Variants in CNOT10 observed in about 807,000 individuals in gnomAD.
CNOT10 encodes the protein CCR4-NOT transcription complex subunit 10, also known as CCR4-NOT transcription complex, subunit 10.
In CNOT10, 30 loss-of-function variants were observed where a neutral mutation model predicts 94.6. The ratio of observed to expected loss-of-function variants is 0.32; its 90% CI spans 0.24 to 0.43. CNOT10 has a LOEUF of 0.43. Among genes scored for constraint, CNOT10 ranks in the 20% least tolerant of loss-of-function variants. The probability of loss-of-function intolerance (pLI) is 1.00; values close to 1 mark genes in which losing one functional copy is unlikely to be tolerated. For synonymous variants in CNOT10, 289 were observed against 301.6 expected, an observed-to-expected ratio of 0.96 and a Z score of 0.43; for missense variants, 759 against 877.2, an observed-to-expected ratio of 0.87 and a Z score of 1.70.
chr3:32,742,038 C>T (rs886118104), intron 13 of CNOT10, among the ~76,000 whole-genome samples: 4 of 151,526 alleles, frequency 2.6e-5, no homozygotes, highest in Admixed American at 6.6e-5. Context: ...TCACTGCAAC[C>T]TCCGCCTCCT....
intron 1 of CNOT10, among the ~76,000 whole-genome samples, chr3:32,700,519 C>T (rs866554412): frequency 1.3e-5 from 2 of 152,238 alleles, no homozygotes; most frequent in African/African-American, 4.8e-5. Context: ...ATGATAGAAT[C>T]TGCACTATTG....
At chr3:32,691,577 T>C (rs936301990) in intron 1 of CNOT10, among the ~76,000 whole-genome samples, 4 of 152,146 alleles carry the variant, frequency 2.6e-5, no homozygotes, top group Non-Finnish European at 4.4e-5. Context: ...AAAGTGCCGA[T>C]GTGAGCCAAC....
chr3:32,700,047 C>T (rs938293396), intron 1 of CNOT10, among the ~76,000 whole-genome samples: 3 of 148,910 alleles, frequency 2.0e-5, no homozygotes, highest in Non-Finnish European at 3.0e-5. Context: ...ATGATCTCGG[C>T]TCACTGCAAC....
At chr3:32,698,291 A>G (rs1177815365) in intron 1 of CNOT10, among the ~76,000 whole-genome samples, 1 of 152,228 alleles carries the variant, frequency 6.6e-6, no homozygotes, top group African/African-American at 2.4e-5. Context: ...AATTATCACA[A>G]GTAACACTTT....
chr3:32,740,734 C>T (rs1000803829), intron 13 of CNOT10, among the ~76,000 whole-genome samples: 4 of 151,472 alleles, frequency 2.6e-5, no homozygotes, highest in East Asian at 2.0e-4. Context: ...TGGTGGCGGG[C>T]GCCTGTAGTC....
Position 32,725,590 on chromosome 3 carries a change from A to G in CNOT10, c.1003A>G (p.Thr335Ala). 6.2e-7 allele frequency: 1 copy of G among 1,612,104 alleles called. No individual in the cohort carries two copies. The highest frequency in any genetic ancestry group is 8.5e-7 in the Non-Finnish European group (1 of 1,179,272). The change falls in exon 9 of 19, where the codon ACT becomes GCT. Residue 335 changes from threonine to alanine, a missense_variant. Around this residue, in one of 3 missense-constraint regions of CNOT10, gnomAD observed 682 missense variants for 799.4 expected, o/e 0.85. Coordinates refer to ENST00000328834, the MANE Select transcript of CNOT10 (RefSeq NM_015442.3). Reference protein sequence around the residue: ...NVCAQLSAGSTDPGKKFSGRP... With the variant: ...NVCAQLSAGSADPGKKFSGRP... ...CTGTGCACAGCTCAGTGCAGGTAGC[A>G]CTGATCCAGGTAAGCCCAGTACTGG...
chr3:32,734,740 A>G (rs55889827), intron 11 of CNOT10, 60 bp from the exon 12 acceptor site: 201,435 of 1,348,030 alleles, frequency 0.15, 16,012 homozygotes, highest in South Asian at 0.19. Flanking sequence ...TCCTCATAAT[A>G]AAAGAGCCTT....
chr3:32,692,103 A>G (rs1696876939), intron 1 of CNOT10, among the ~76,000 whole-genome samples: 2 of 151,542 alleles, frequency 1.3e-5, no homozygotes, highest in African/African-American at 4.9e-5. Flanking sequence ...GTTCATACCT[A>G]TAAATCCTAG....
At chr3:32,753,229 A>T in intron 13 of CNOT10, 2 of 737,182 alleles carry the variant, frequency 2.7e-6, no homozygotes, top group Non-Finnish European at 5.0e-6. Flanking sequence ...GACAAAAATT[A>T]GATAGTGCAG....
Position 32,713,276 on chromosome 3 carries a change from A to G in CNOT10, c.480A>G (p.Ile160Met), listed in dbSNP as rs377611501. The G allele has an allele frequency of 1.6e-5, 26 of 1,597,960 alleles. No homozygotes were observed. The highest frequency in any genetic ancestry group is 1.2e-5 in the Non-Finnish European group (14 of 1,176,072). The change falls in exon 5 of 19, where the codon ATA becomes ATG. Residue 160 changes from isoleucine (I) to methionine (M), a missense_variant. Around this residue, in one of 3 missense-constraint regions of CNOT10, gnomAD observed 682 missense variants for 799.4 expected, o/e 0.85. Coordinates refer to ENST00000328834, the MANE Select transcript of CNOT10 (RefSeq NM_015442.3). ...AVCFLLVDLY[I>M]LTYQAEKALH... The stretch of plus-strand genomic sequence containing the variant: ...GTTTTTTGCTTGTAGACCTGTATAT[A>G]TTAACCTACCAAGCTGAGAAAGCTT...
In CNOT10 at chr3:32,713,234, A is replaced by C; in HGVS notation, c.438A>C (p.Lys146Asn). 6.4e-7 allele frequency: 1 copy of C among 1,567,176 alleles called. No individual in the cohort carries two copies. Residue 146 changes from lysine (K) to asparagine (N), a missense_variant, in exon 5 of 19, where the codon AAA becomes AAC. This residue lies in a region of CNOT10 where 682 missense variants were observed against 799.4 expected (regional missense o/e 0.85). Transcript: ENST00000328834. ...LYQFIEPFEE[K>N]FAQAVCFLLV... ...GTGTTTTTTTTCTCCCAGAAGAAAAATTTGCCCAAGCAGTGTGTTTTTTGC... is the reference window on the plus strand; with the variant it reads ...GTGTTTTTTTTCTCCCAGAAGAAAACTTTGCCCAAGCAGTGTGTTTTTTGC...
At chr3:32,686,670 TAGAC>T (rs1268800582) in intron 1 of CNOT10, among the ~76,000 whole-genome samples, 5 of 152,170 alleles carry the variant, frequency 3.3e-5, no homozygotes, top group Non-Finnish European at 7.3e-5. Context: ...GAGAGACTAT[TAGAC>T]AGGAAAACGG....
intron 17 of CNOT10, 195 bp from the exon 18 acceptor site, chr3:32,769,692 A>G: frequency 1.8e-6 from 1 of 541,952 alleles, no homozygotes; most frequent in Non-Finnish European, 3.4e-6. Context: ...CCAGAGTATT[A>G]CATGTCTAGC....
intron 13 of CNOT10, among the ~76,000 whole-genome samples, chr3:32,749,903 AAGGAAAGG>A (rs1257518771): frequency 6.6e-6 from 1 of 152,094 alleles, no homozygotes; most frequent in African/African-American, 2.4e-5. Context: ...TGAAGGAAGG[AAGGAAAGG>A]AGGGAAGGAG....
At chr3:32,697,108 G>A (rs954679368) in intron 1 of CNOT10, among the ~76,000 whole-genome samples, 7 of 151,902 alleles carry the variant, frequency 4.6e-5, no homozygotes, top group Admixed American at 1.3e-4. Flanking sequence ...ATGCCACCAC[G>A]CCCAGCTAAT....
At chr3:32,723,924 T>A (rs78488320) in intron 8 of CNOT10, among the ~76,000 whole-genome samples, 9,000 of 151,650 alleles carry the variant, frequency 0.059, 305 homozygotes, top group Middle Eastern at 0.088. Context: ...GCAAAAAAAT[T>A]AAAAAATTAG....
At chr3:32,704,775 A>G (rs775387474) in intron 2 of CNOT10, 36 bp from the exon 3 acceptor site, 1 of 1,527,716 alleles carries the variant, frequency 6.5e-7, no homozygotes, top group Non-Finnish European at 8.8e-7. Flanking sequence ...GCTGGTATGT[A>G]ATTTTGTGTG....
chr3:32,689,276 C>T (rs954923921), intron 1 of CNOT10, among the ~76,000 whole-genome samples: 1 of 151,678 alleles, frequency 6.6e-6, no homozygotes, highest in Non-Finnish European at 1.5e-5. Context: ...TCACTTGAAC[C>T]CAGGTGGCAG....
chr3:32,714,896 G>A (rs1005816007), intron 5 of CNOT10, among the ~76,000 whole-genome samples: 2 of 152,094 alleles, frequency 1.3e-5, no homozygotes, highest in Admixed American at 6.5e-5. Context: ...TGCAGGAAAC[G>A]TTGCCAATAC....
Sources: gnomAD v4.1 joint callset for allele counts (sites outside exome capture counted in the v4.1 genomes callset) on GRCh38, gnomAD v4.1.1 for gene constraint, gnomAD v4.1.1 regional missense constraint, MANE v1.5 for transcripts, NCBI Gene and HGNC (gene_info 2026-07-23, HGNC 2026-07-21) for gene names.